DGLUCY: variants seen among roughly 807,000 people sequenced by gnomAD.
DGLUCY encodes the protein D-glutamate cyclase, also known as D-glutamate cyclase, mitochondrial.
In DGLUCY, 58 loss-of-function variants were observed where a neutral mutation model predicts 58.5. That is an observed-to-expected ratio of 0.99 (90% CI 0.80 to 1.23). DGLUCY has a LOEUF of 1.23. Among genes scored for constraint, DGLUCY ranks in the 50% most tolerant of loss-of-function variants. The pLI is 0.00. For missense variants in DGLUCY, 779 were observed against 784.7 expected (o/e 0.99, Z 0.09); for synonymous variants, 325 against 314.1 (o/e 1.03, Z -0.37).
intron 1 of DGLUCY, among the ~76,000 whole-genome samples, chr14:91,118,858 C>G (rs937141839): frequency 6.6e-6 from 1 of 152,120 alleles, no homozygotes; most frequent in Non-Finnish European, 1.5e-5. Flanking sequence ...TGGCTCATGC[C>G]TGTAATCCCA....
chr14:91,079,865 G>T (rs934103061), intron 1 of DGLUCY, among the ~76,000 whole-genome samples: 6 of 152,182 alleles, frequency 3.9e-5, no homozygotes, highest in Admixed American at 3.9e-4. Context: ...GTACTATTCA[G>T]TAGCATTAAA....
At chr14:91,099,206 G>A (rs2044443633) in intron 1 of DGLUCY, among the ~76,000 whole-genome samples, 1 of 152,192 alleles carries the variant, frequency 6.6e-6, no homozygotes, top group East Asian at 1.9e-4. Context: ...GTCACATGGT[G>A]TGGGGTCAGA....
At chr14:91,181,623 T>TTTTC (rs34927063) in intron 8 of DGLUCY, among the ~76,000 whole-genome samples, 15,055 of 149,034 alleles carry the variant, frequency 0.1, 1,234 homozygotes, top group African/African-American at 0.22. Context: ...CTTACTTTCT[T>TTTTC]TTTCTTTCTT....
At chr14:91,193,821 G>T (rs909632890) in intron 9 of DGLUCY, among the ~76,000 whole-genome samples, 1 of 148,700 alleles carries the variant, frequency 6.7e-6, no homozygotes, top group African/African-American at 2.5e-5. Context: ...CAGCCTGGGC[G>T]ACAGAGTGAT....
chr14:91,095,717 G>T lies in DGLUCY; in HGVS notation c.-82+35013G>T, dbSNP rs72697583. Among the ~76,000 whole-genome samples the T allele has an allele frequency of 4.9e-3, 753 of 152,258 alleles. 3 individuals carry two copies. Among genetic ancestry groups the T allele is most frequent in the Non-Finnish European group, 9.1e-3 (619 of 68,008 alleles). ...TGGAGTGGAAGAAGACTCTGCAAATGGGGGGAGAAAAATGGCAGCTCTCCT... is the reference window on the plus strand; with the variant it reads ...TGGAGTGGAAGAAGACTCTGCAAATTGGGGGAGAAAAATGGCAGCTCTCCT... On this transcript the variant is annotated intron_variant, in intron 1 of 4. Transcript: ENST00000521334.
rs183459449 is a variant in DGLUCY at position 91,083,734 on chromosome 14, G to A, written c.-82+23030G>A. On this transcript the variant is annotated intron_variant, in intron 1 of 4. Coordinates refer to the DGLUCY transcript ENST00000521334. ...GTTTTTCTGGTTTTTTTTTAATAAT[G>A]TGTCAGAAATATGTGTTTCCACCTC... is the stretch of plus-strand genomic sequence containing the variant. Among the ~76,000 whole-genome samples, 11 of 151,908 alleles carry A rather than the reference G, an allele frequency of 7.2e-5. No homozygotes were observed. In the East Asian group the frequency reaches 2.1e-3, roughly 29 times the overall value.
intron 1 of DGLUCY, among the ~76,000 whole-genome samples, chr14:91,090,804 C>T (rs2044298785): frequency 6.6e-6 from 1 of 152,314 alleles, no homozygotes; most frequent in South Asian, 2.1e-4. Flanking sequence ...AAACTCCCAG[C>T]AAATGTGCAC....
rs1406585324 is a variant in DGLUCY, at chr14:91,224,689, A to C, written c.1722A>C (p.Glu574Asp). Residue 574 changes from glutamate (E) to aspartate (D), a missense_variant, in exon 14 of 14, where the codon GAA (glutamate) becomes GAC (aspartate). Coordinates refer to ENST00000256324, the MANE Select transcript of DGLUCY (RefSeq NM_001102368.3). Reference protein sequence around the residue: ...TQALPSVIKEEKMLGILVQHK... With the variant: ...TQALPSVIKEDKMLGILVQHK... ...TCTGCCCTATTTTTTTCCAGGAAGAAAAAATGCTGGGCATCTTGGTGCAGC... is the reference window on the plus strand; with the variant it reads ...TCTGCCCTATTTTTTTCCAGGAAGACAAAATGCTGGGCATCTTGGTGCAGC... 6 of 1,592,068 alleles carry C rather than the reference A, an allele frequency of 3.8e-6. No individual in the cohort carries two copies. The highest frequency in any genetic ancestry group is 1.7e-4 in the Middle Eastern group (1 of 5,994).
At chr14:91,125,073 A>C (rs2045593272) in intron 1 of DGLUCY, among the ~76,000 whole-genome samples, 1 of 152,164 alleles carries the variant, frequency 6.6e-6, no homozygotes, top group South Asian at 2.1e-4. Flanking sequence ...CAATTGGGAC[A>C]AATACAGGAT....
chr14:91,060,456 C>A, exon 1 of DGLUCY: 1 of 1,429,770 alleles, frequency 7.0e-7, no homozygotes, highest in Admixed American at 2.3e-5. Context: ...TTTCCGATCC[C>A]GCGGGTCGCT....
rs545329996 is a variant in DGLUCY, at chr14:91,175,103, C to T, written c.608-831C>T. Among the ~76,000 whole-genome samples, 15 of 152,168 alleles carry T rather than the reference C, an allele frequency of 9.9e-5. No individual in the cohort carries two copies. In the South Asian group the frequency reaches 1.0e-3, roughly 11 times the overall value. On this transcript the variant is annotated intron_variant, in intron 6 of 13. Transcript: ENST00000256324. ...AAGGGTTGCAGCAGGGCTCTTTGTC[C>T]GGAGATTTGAGCTCGAAGCAACGTC...
chr14:91,060,479 C>A, exon 1 of DGLUCY: 1 of 1,343,488 alleles, frequency 7.4e-7, no homozygotes, highest in Non-Finnish European at 9.7e-7. Flanking sequence ...GAGGGGAACC[C>A]AGGAGACAGC....
intron 5 of DGLUCY, 102 bp downstream of exon 5, chr14:91,170,303 A>C (rs1595827126): frequency 7.8e-7 from 1 of 1,285,742 alleles, no homozygotes; most frequent in East Asian, 2.5e-5. Flanking sequence ...GGAGGTGGAA[A>C]ACCTAAGCTC....
At chr14:91,163,481 T>C (rs961235490) in intron 3 of DGLUCY, among the ~76,000 whole-genome samples, 1 of 152,150 alleles carries the variant, frequency 6.6e-6, no homozygotes, top group Admixed American at 6.5e-5. Context: ...AAAGTCTGCT[T>C]GTAGCATTGG....
At chr14:91,201,259 A>C (rs1475328510) in intron 11 of DGLUCY, among the ~76,000 whole-genome samples, 1 of 151,222 alleles carries the variant, frequency 6.6e-6, no homozygotes, top group Non-Finnish European at 1.5e-5. Context: ...TGCAGGTCAC[A>C]GGGGATATGA....
chr14:91,212,440 CTTG>C (rs1348273868), intron 12 of DGLUCY, among the ~76,000 whole-genome samples: 2 of 152,226 alleles, frequency 1.3e-5, no homozygotes, highest in Non-Finnish European at 2.9e-5. Flanking sequence ...ACCTCACAAG[CTTG>C]TTGTAAGGAC....
intron 12 of DGLUCY, among the ~76,000 whole-genome samples, chr14:91,212,207 A>G (rs1470678467): frequency 6.6e-6 from 1 of 152,142 alleles, no homozygotes; most frequent in Non-Finnish European, 1.5e-5. Flanking sequence ...GCAAACGACA[A>G]TGTTAAGAGA....
At chr14:91,078,658 A>G (rs933093864) in intron 1 of DGLUCY, among the ~76,000 whole-genome samples, 2 of 152,176 alleles carry the variant, frequency 1.3e-5, no homozygotes, top group African/African-American at 4.8e-5. Context: ...AGGATGTGGT[A>G]GCCCTAAATA....
At chr14:91,104,154 C>T (rs529850352), upstream of DGLUCY, among the ~76,000 whole-genome samples, 157 of 145,268 alleles carry the variant, frequency 1.1e-3, no homozygotes, top group African/African-American at 3.8e-3. Flanking sequence ...GCTCCGCCTC[C>T]CGGGTTCACA....
Sources: gnomAD v4.1 joint callset for allele counts (sites outside exome capture counted in the v4.1 genomes callset) on GRCh38, gnomAD v4.1.1 for gene constraint, MANE v1.5 for transcripts, NCBI Gene and HGNC (gene_info 2026-07-23, HGNC 2026-07-21) for gene names.